POU2AF1: variants seen among roughly 807,000 people sequenced by gnomAD.
POU2AF1 encodes the protein POU domain class 2-associating factor 1.
A neutral mutation model predicts 26.3 loss-of-function variants in POU2AF1; 12 were observed. The ratio of observed to expected loss-of-function variants is 0.46; its 90% confidence interval spans 0.29 to 0.74. POU2AF1 has a LOEUF of 0.74. Ranked by LOEUF, POU2AF1 falls within the 30% of genes least tolerant of loss-of-function variation. The pLI is 0.09. For missense variants in POU2AF1, 297 were observed against 334.5 expected (o/e 0.89, Z 0.87); for synonymous variants, 175 against 148.0 (o/e 1.18, Z -1.32).
In POU2AF1 at chr11:111,369,954, CT is replaced by C. The variant is rs556526911; in HGVS notation, c.16+9207del. 1.8e-4 allele frequency among the ~76,000 whole-genome samples: 27 copies of C among 152,312 alleles called. 2 individuals carry two copies. The South Asian group carries it at 5.6e-3, about 32-fold the overall frequency. ...TGATTCAAGCAATATCTAATTTTGGCTTTTCAAGACTAAAGAGCTTTATTGA... is the reference window on the plus strand; with the variant it reads ...TGATTCAAGCAATATCTAATTTTGGCTTTCAAGACTAAAGAGCTTTATTGA... On this transcript the variant is annotated intron_variant, in intron 1 of 4. Transcript: ENST00000393067.
At chr11:111,372,051 CACACACACACACACACACAGAG>C (rs1861221291) in intron 1 of POU2AF1, among the ~76,000 whole-genome samples, 1 of 101,590 alleles carries the variant, frequency 9.8e-6, no homozygotes, top group African/African-American at 4.0e-5. Flanking sequence ...CACACACACA[CACACACACACACACACACAGAG>C]AGAGAGAGAG....
chr11:111,358,653 C>G lies in POU2AF1; in HGVS notation c.147+135G>C, dbSNP rs562921543. On this transcript the variant is annotated intron_variant, in intron 2 of 4. Coordinates refer to ENST00000393067, the MANE Select transcript of POU2AF1 (RefSeq NM_006235.3). ...TCTCTCTCACACTATCACACTCTCA[C>G]ACACTCTATCACACACAAACACATA... 11 of 1,121,348 alleles carry G rather than the reference C, an allele frequency of 9.8e-6. No homozygotes were observed. The African/African-American group carries it at 1.4e-4, about 14-fold the overall frequency. The allele number at this position is 1,121,348 out of a possible 1,614,324, so 69.5% of individuals were successfully genotyped here.
intron 1 of POU2AF1, among the ~76,000 whole-genome samples, chr11:111,366,134 A>T (rs543191693): frequency 6.6e-6 from 1 of 152,334 alleles, no homozygotes; most frequent in Admixed American, 6.5e-5. Flanking sequence ...CACTACAGAA[A>T]GGCTTTCCCG....
chr11:111,355,740 C>T (rs10891258), intron 4 of POU2AF1, among the ~76,000 whole-genome samples: 100,128 of 151,978 alleles, frequency 0.66, 34,291 homozygotes, highest in Admixed American at 0.78. Flanking sequence ...TGTTTTTGCA[C>T]AGAATGATAG....
chr11:111,354,479 T>G lies in POU2AF1; in HGVS notation c.553A>C (p.Thr185Pro). 6.2e-7 allele frequency: 1 copy of G among 1,609,216 alleles called. No individual in the cohort carries two copies. The highest frequency in any genetic ancestry group is 8.5e-7 in the Non-Finnish European group (1 of 1,178,298). Residue 185 changes from threonine (T) to proline (P), a missense_variant, in exon 5 of 5, where the codon ACA becomes CCA. Physicochemically the swap from Thr to Pro is conservative, Grantham distance 38. Coordinates refer to ENST00000393067, the MANE Select transcript of POU2AF1 (RefSeq NM_006235.3). ...TACTGCAGGGTGGAGGTGGGTAGTG[T>G]GGAAAGGGGCTGAGGCCACGGGAAA... Reference protein sequence around the residue: ...TYFPWPQPLSTLPTSTLQYQP... With the variant: ...TYFPWPQPLSPLPTSTLQYQP...
At chr11:111,363,022 C>G (rs1451163013) in intron 1 of POU2AF1, 1 of 596,226 alleles carries the variant, frequency 1.7e-6, no homozygotes, top group African/African-American at 2.0e-5. Flanking sequence ...GGCTTCCCGC[C>G]TCCTACTGTT....
chr11:111,371,675 G>C (rs1861211799), intron 1 of POU2AF1, among the ~76,000 whole-genome samples: 2 of 152,274 alleles, frequency 1.3e-5, no homozygotes, highest in Non-Finnish European at 2.9e-5. Context: ...CATAACCTTT[G>C]TCTTCAGAGG....
chr11:111,366,903 C>A (rs1189640670), intron 1 of POU2AF1, among the ~76,000 whole-genome samples: 4 of 152,114 alleles, frequency 2.6e-5, no homozygotes, highest in Non-Finnish European at 4.4e-5. Context: ...TCACAGGGAT[C>A]CCTCTAGGTT....
In POU2AF1 at chr11:111,352,504, A is replaced by G. The variant is rs1350613262; in HGVS notation, c.*1757T>C. On this transcript the variant is annotated 3_prime_UTR_variant, in exon 5 of 5. Coordinates refer to ENST00000393067, the MANE Select transcript of POU2AF1 (RefSeq NM_006235.3). ...CCTACAAACCTGATGTTTCTCCAGC[A>G]AAACAAATTAAAATTAAACCTAATG... 5.4e-6 allele frequency: 1 copy of G among 184,076 alleles called. No individual in the cohort carries two copies. Among genetic ancestry groups the G allele is most frequent in the East Asian group, 8.8e-5 (1 of 11,382 alleles). The allele number at this position is 184,076 out of a possible 1,614,324, so 11.4% of individuals were successfully genotyped here. A position where few individuals can be genotyped will look rare whatever the true frequency, so the allele number is the denominator to read the frequency against.
chr11:111,371,633 G>A (rs1418680770), intron 1 of POU2AF1, among the ~76,000 whole-genome samples: 1 of 152,124 alleles, frequency 6.6e-6, no homozygotes, highest in East Asian at 1.9e-4. Context: ...AGAACTCAGA[G>A]GACATACAAA....
intron 1 of POU2AF1, among the ~76,000 whole-genome samples, chr11:111,367,837 G>C (rs1861134070): frequency 6.6e-6 from 1 of 152,182 alleles, no homozygotes; most frequent in Non-Finnish European, 1.5e-5. Flanking sequence ...TCCCCGCAAG[G>C]TTTTATTTTT....
At chr11:111,360,149 C>T (rs1860977698) in intron 1 of POU2AF1, among the ~76,000 whole-genome samples, 1 of 152,212 alleles carries the variant, frequency 6.6e-6, no homozygotes, top group Admixed American at 6.5e-5. Context: ...AAGCAACAAG[C>T]TGCCCACCTA....
intron 1 of POU2AF1, among the ~76,000 whole-genome samples, chr11:111,377,357 G>A (rs1861328460): frequency 6.6e-6 from 1 of 152,088 alleles, no homozygotes; most frequent in Admixed American, 6.5e-5. Context: ...TCCAGCCTGG[G>A]CAACAGAGCA....
At chr11:111,379,081 T>A in intron 1 of POU2AF1, 81 bp downstream of exon 1, 1 of 1,513,382 alleles carries the variant, frequency 6.6e-7, no homozygotes, top group Non-Finnish European at 8.9e-7. Context: ...CACCACCAGC[T>A]CCCCAATTCC....
intron 1 of POU2AF1, among the ~76,000 whole-genome samples, chr11:111,361,169 T>C (rs943480543): frequency 7.3e-5 from 11 of 150,492 alleles, no homozygotes; most frequent in Non-Finnish European, 1.6e-4. Context: ...ACAGGACCCA[T>C]GGAGCCCCCG....
intron 4 of POU2AF1, among the ~76,000 whole-genome samples, chr11:111,355,850 A>T (rs1056591561): frequency 6.6e-6 from 1 of 152,220 alleles, no homozygotes; most frequent in African/African-American, 2.4e-5. Flanking sequence ...GACTTAAGCC[A>T]GTGGTCCCCA....
intron 1 of POU2AF1, among the ~76,000 whole-genome samples, chr11:111,361,100 C>G (rs886312219): frequency 6.6e-6 from 1 of 152,154 alleles, no homozygotes; most frequent in African/African-American, 2.4e-5. Flanking sequence ...AACAAGAGAT[C>G]TCTACTGGTA....
At position 111,357,803 on chromosome 11, in the gene POU2AF1, G is replaced by T. The variant is rs1269814231; in HGVS notation, c.182C>A (p.Thr61Asn). ...VLPHQPLATYTTVGPSCLDME... is the reference protein window; with the variant it reads ...VLPHQPLATYNTVGPSCLDME... ...CTACGGGGCACTCTTACCCACTGTG[G>T]TGTAGGTCGCCAGGGGCTGATGGGG... The change falls in exon 3 of 5, where the codon ACC (threonine) becomes AAC (asparagine). Residue 61 changes from threonine to asparagine, a missense_variant. Physicochemically the swap from Thr to Asn is moderately conservative, Grantham distance 65. Coordinates refer to ENST00000393067, the MANE Select transcript of POU2AF1 (RefSeq NM_006235.3). 6.2e-7 allele frequency: 1 copy of T among 1,613,306 alleles called. No homozygotes were observed. Among genetic ancestry groups the T allele is most frequent in the Non-Finnish European group, 8.5e-7 (1 of 1,179,710 alleles).
intron 1 of POU2AF1, among the ~76,000 whole-genome samples, chr11:111,372,391 A>G (rs1861230788): frequency 7.3e-6 from 1 of 136,460 alleles, no homozygotes; most frequent in Admixed American, 8.2e-5. Context: ...TTCTCATGGT[A>G]TGAACTACCA....
Sources: allele counts gnomAD v4.1 joint callset (sites outside exome capture counted in the v4.1 genomes callset), GRCh38; gene constraint gnomAD v4.1.1; transcripts MANE v1.5; gene names NCBI Gene and HGNC (gene_info 2026-07-23, HGNC 2026-07-21).